Variants in TMTC2 observed in about 807,000 individuals in gnomAD.
TMTC2 encodes protein O-mannosyl-transferase TMTC2.
TMTC2 carries 43 observed loss-of-function variants against 82.4 expected under a neutral mutation model. The observed-to-expected ratio is 0.52, with a 90% CI of 0.41 to 0.67. The LOEUF (loss-of-function observed/expected upper bound fraction) is 0.67. TMTC2 is among the 30% of genes least tolerant of loss of function. The pLI is 0.00. For synonymous variants in TMTC2, 408 were observed against 381.9 expected (o/e 1.07, Z -0.80); for missense variants, 919 against 1,012.4 (o/e 0.91, Z 1.25).
intron 1 of TMTC2, 57 bp from the exon 2 acceptor site, chr12:82,856,953 A>AT: frequency 1.3e-6 from 2 of 1,498,494 alleles, no homozygotes; most frequent in Admixed American, 2.0e-5. Context: ...TCAATGTCAT[A>AT]TTTTTTCTTT....
chr12:82,995,931 C>G (rs190284295), intron 8 of TMTC2, among the ~76,000 whole-genome samples: 1 of 152,288 alleles, frequency 6.6e-6, no homozygotes, highest in East Asian at 1.9e-4. Flanking sequence ...AGCCACCACA[C>G]CAGCCCTTTA....
At chr12:82,843,282 T>A (rs1870445272) in intron 1 of TMTC2, among the ~76,000 whole-genome samples, 1 of 151,994 alleles carries the variant, frequency 6.6e-6, no homozygotes. Flanking sequence ...AGACGGGGTT[T>A]CACCATGTTG....
At chr12:82,804,280 T>C (rs201302130) in intron 1 of TMTC2, among the ~76,000 whole-genome samples, 1 of 152,084 alleles carries the variant, frequency 6.6e-6, no homozygotes, top group East Asian at 1.9e-4. Flanking sequence ...AGGTTTTGGC[T>C]AAGAGTTTAG....
At chr12:82,916,362 C>T (rs914152830) in intron 3 of TMTC2, among the ~76,000 whole-genome samples, 1 of 152,134 alleles carries the variant, frequency 6.6e-6, no homozygotes, top group Non-Finnish European at 1.5e-5. Flanking sequence ...TACTATAATA[C>T]CATGTGCTAG....
At chr12:82,808,281 T>C (rs1879333194) in intron 1 of TMTC2, among the ~76,000 whole-genome samples, 1 of 152,022 alleles carries the variant, frequency 6.6e-6, no homozygotes, top group Non-Finnish European at 1.5e-5. Flanking sequence ...ATATAATTAA[T>C]ATACATGTAT....
rs1367891556 is a variant in TMTC2 at position 82,687,360 on chromosome 12, GT to G, written c.-226del. 3.3e-5 allele frequency: 19 copies of G among 578,636 alleles called. No homozygotes were observed. Among genetic ancestry groups the G allele is most frequent in the Non-Finnish European group, 5.9e-5 (19 of 323,482 alleles). The allele number at this position is 578,636 out of a possible 1,614,324, so 35.8% of individuals were successfully genotyped here. A position where few individuals can be genotyped will look rare whatever the true frequency, so the allele number is the denominator to read the frequency against. ...CTTGCGGGCGCCGGGCATGGGGAGT[GT>G]GGTGTGAGCCCGCACCCGGGGAGGA... On this transcript the variant is annotated 5_prime_UTR_variant, in exon 1 of 12. An upstream open reading frame in the 5' UTR loses its in-frame stop. Coordinates refer to ENST00000321196, the MANE Select transcript of TMTC2 (RefSeq NM_152588.3).
At position 83,082,880 on chromosome 12, in the gene TMTC2, A is replaced by G. The variant is rs141782461; in HGVS notation, c.2331+21049A>G. Reference sequence around the variant, plus strand: ...CCCTATTTGGAAGAGCATTTTATACAGTGAACTTCCAGTGGAATTATGTCA... The same window carrying G: ...CCCTATTTGGAAGAGCATTTTATACGGTGAACTTCCAGTGGAATTATGTCA... On this transcript the variant is annotated intron_variant, in intron 11 of 11. Coordinates refer to ENST00000321196, the MANE Select transcript of TMTC2 (RefSeq NM_152588.3). Among the ~76,000 whole-genome samples the G allele has an allele frequency of 3.4e-3, 520 of 152,336 alleles. 3 individuals carry two copies. The highest frequency in any genetic ancestry group is 0.012 in the African/African-American group (488 of 41,572).
At chr12:82,691,056 T>C (rs1375281469) in intron 1 of TMTC2, among the ~76,000 whole-genome samples, 3 of 152,194 alleles carry the variant, frequency 2.0e-5, no homozygotes, top group African/African-American at 4.8e-5. Context: ...TTTAGAAGTC[T>C]GATTTCACTT....
intron 9 of TMTC2, 21 bp downstream of exon 9, chr12:83,030,900 T>C: frequency 6.4e-7 from 1 of 1,568,834 alleles, no homozygotes; most frequent in East Asian, 2.2e-5. Flanking sequence ...GATAGTTTTT[T>C]TTCCATGTCC....
intron 1 of TMTC2, among the ~76,000 whole-genome samples, chr12:82,693,708 G>A (rs548313889): frequency 1.7e-3 from 263 of 151,240 alleles, no homozygotes; most frequent in Non-Finnish European, 2.7e-3. Context: ...GGTGGCTCAC[G>A]CCTGTAATCC....
intron 1 of TMTC2, among the ~76,000 whole-genome samples, chr12:82,704,601 T>A (rs1356031715): frequency 6.6e-6 from 1 of 152,134 alleles, no homozygotes; most frequent in African/African-American, 2.4e-5. Context: ...AATGGTAGTC[T>A]CTTTCAAAAT....
intron 11 of TMTC2, among the ~76,000 whole-genome samples, chr12:83,110,040 TC>T (rs1455233607): frequency 6.6e-6 from 1 of 152,192 alleles, no homozygotes; most frequent in Non-Finnish European, 1.5e-5. Flanking sequence ...TTCTAGTATA[TC>T]TTCACCTGTC....
At chr12:83,088,954 C>T (rs1309614512) in intron 11 of TMTC2, among the ~76,000 whole-genome samples, 2 of 152,154 alleles carry the variant, frequency 1.3e-5, no homozygotes, top group Non-Finnish European at 2.9e-5. Flanking sequence ...AATCCACCCT[C>T]CAGAAAATAC....
intron 3 of TMTC2, among the ~76,000 whole-genome samples, chr12:82,915,556 A>T (rs1162855800): frequency 6.6e-6 from 1 of 152,208 alleles, no homozygotes; most frequent in Non-Finnish European, 1.5e-5. Flanking sequence ...GCAGGAACAT[A>T]CCTGATGGCT....
At chr12:82,868,824 G>A (rs1183679304) in intron 2 of TMTC2, among the ~76,000 whole-genome samples, 3 of 151,930 alleles carry the variant, frequency 2.0e-5, no homozygotes, top group African/African-American at 7.3e-5. Context: ...CCTTTTCAGG[G>A]AAACGTTGAG....
chr12:82,814,768 TGTG>T (rs1322538850), intron 1 of TMTC2, among the ~76,000 whole-genome samples: 2 of 152,158 alleles, frequency 1.3e-5, no homozygotes, highest in African/African-American at 4.8e-5. Flanking sequence ...AATAGTCAGA[TGTG>T]GTTGAGGAAC....
chr12:82,717,857 C>G (rs987742501), intron 1 of TMTC2, among the ~76,000 whole-genome samples: 1 of 152,106 alleles, frequency 6.6e-6, no homozygotes, highest in Non-Finnish European at 1.5e-5. Context: ...AAGTCGCCAA[C>G]AAAGTAGCCT....
intron 8 of TMTC2, among the ~76,000 whole-genome samples, chr12:83,026,354 A>C (rs937008519): frequency 6.6e-6 from 1 of 152,190 alleles, no homozygotes; most frequent in Non-Finnish European, 1.5e-5. Context: ...ACCAAAATAC[A>C]CATATTTCTT....
intron 1 of TMTC2, among the ~76,000 whole-genome samples, chr12:82,707,397 A>G (rs1258406305): frequency 1.3e-5 from 2 of 152,218 alleles, no homozygotes; most frequent in East Asian, 3.9e-4. Context: ...ATTTTCAAGG[A>G]CACACACATT....
Sources: gnomAD v4.1 joint callset for allele counts (sites outside exome capture counted in the v4.1 genomes callset) on GRCh38, gnomAD v4.1.1 for gene constraint, MANE v1.5 for transcripts, NCBI Gene and HGNC (gene_info 2026-07-23, HGNC 2026-07-21) for gene names.